MYZAP: variants seen among roughly 807,000 people sequenced by gnomAD.
MYZAP encodes the protein GRINL1A complex locus upstream.
In MYZAP, 66 loss-of-function variants were observed where a neutral mutation model predicts 69.4. The ratio of observed to expected loss-of-function variants is 0.95; its 90% CI spans 0.78 to 1.17. The LOEUF is 1.17. Ranked by LOEUF, MYZAP falls within the 50% of genes most tolerant of loss-of-function variation. The probability of loss-of-function intolerance (pLI) is 0.00; values close to 1 mark genes in which losing one functional copy is unlikely to be tolerated. For synonymous variants in MYZAP, 256 were observed against 205.9 expected (o/e 1.24, Z -2.09); for missense variants, 611 against 556.2 (o/e 1.10, Z -0.99).
intron 8 of MYZAP, among the ~76,000 whole-genome samples, chr15:57,636,223 C>T (rs1201217085): frequency 1.3e-5 from 2 of 151,894 alleles, no homozygotes; most frequent in Non-Finnish European, 2.9e-5. Flanking sequence ...AACTTCCAAC[C>T]ACATAGGGGC....
intron 11 of MYZAP, among the ~76,000 whole-genome samples, chr15:57,673,676 T>C (rs1446653155): frequency 2.0e-5 from 3 of 152,210 alleles, no homozygotes; most frequent in African/African-American, 7.2e-5. Context: ...CATTGACTTT[T>C]ACATTGTACG....
At chr15:57,618,012 T>C (rs1229847515) in intron 2 of MYZAP, 21 bp from the exon 3 acceptor site, 10 of 1,607,018 alleles carry the variant, frequency 6.2e-6, no homozygotes, top group Non-Finnish European at 7.6e-6. Flanking sequence ...ATTCTTTTTT[T>C]CTTTTCCTAC....
chr15:57,665,918 C>G (rs1259164209), intron 11 of MYZAP, among the ~76,000 whole-genome samples: 1 of 152,204 alleles, frequency 6.6e-6, no homozygotes, highest in Non-Finnish European at 1.5e-5. Context: ...CCTCTGCTTA[C>G]AAGCAGAGTA....
chr15:57,682,174 AC>A (rs1254968792), intron 12 of MYZAP, among the ~76,000 whole-genome samples: 1 of 151,916 alleles, frequency 6.6e-6, no homozygotes, highest in Non-Finnish European at 1.5e-5. Context: ...CCATCTAGCA[AC>A]CCTGCCTGAG....
intron 4 of MYZAP, among the ~76,000 whole-genome samples, chr15:57,623,580 A>G (rs1322816252): frequency 6.6e-6 from 1 of 152,064 alleles, no homozygotes; most frequent in African/African-American, 2.4e-5. Context: ...TAAAAATACA[A>G]AAATTAGCCG....
intron 2 of MYZAP, among the ~76,000 whole-genome samples, chr15:57,613,288 T>C (rs2035228530): frequency 6.6e-6 from 1 of 152,196 alleles, no homozygotes; most frequent in Non-Finnish European, 1.5e-5. Context: ...CAGGAGGCTT[T>C]TAATAGAGTA....
At chr15:57,669,915 G>A (rs781352898) in intron 11 of MYZAP, among the ~76,000 whole-genome samples, 4 of 151,964 alleles carry the variant, frequency 2.6e-5, no homozygotes, top group South Asian at 4.1e-4. Context: ...TTAGAGGCAG[G>A]TTATTTAATT....
At chr15:57,648,278 T>A in intron 10 of MYZAP, 1 of 985,340 alleles carries the variant, frequency 1.0e-6, no homozygotes, top group Non-Finnish European at 1.2e-6. Flanking sequence ...CAATATAAAT[T>A]GTCTTTTCAA....
chr15:57,595,414 G>A (rs948958408), intron 1 of MYZAP, among the ~76,000 whole-genome samples: 10 of 152,148 alleles, frequency 6.6e-5, no homozygotes, highest in African/African-American at 2.4e-4. Flanking sequence ...GGGGGGAAAC[G>A]ATTTTAAAAA....
Position 57,595,740 on chromosome 15 carries a change from G to A in MYZAP, c.75+3631G>A, listed in dbSNP as rs534769538. On this transcript the variant is annotated intron_variant, in intron 1 of 12. Transcript: ENST00000267853. Reference sequence around the variant, plus strand: ...ACTGTTGGCTGGTGTTGCTGCTATCGTGACCCGTCACTGGCACAGAGAAAA... The same window carrying A: ...ACTGTTGGCTGGTGTTGCTGCTATCATGACCCGTCACTGGCACAGAGAAAA... Among the ~76,000 whole-genome samples, 3 of 152,254 alleles carry A rather than the reference G, an allele frequency of 2.0e-5. No homozygotes were observed. The South Asian group carries it at 6.2e-4, about 32-fold the overall frequency.
At chr15:57,607,553 T>C (rs1209148873) in intron 2 of MYZAP, among the ~76,000 whole-genome samples, 1 of 152,174 alleles carries the variant, frequency 6.6e-6, no homozygotes, top group African/African-American at 2.4e-5. Flanking sequence ...AGTCTCCCTT[T>C]ACCCCTCAGC....
chr15:57,600,794 A>G (rs528617205), intron 1 of MYZAP, among the ~76,000 whole-genome samples: 1 of 152,208 alleles, frequency 6.6e-6, no homozygotes, highest in Non-Finnish European at 1.5e-5. Flanking sequence ...AATAGTAAAA[A>G]TATCTGGCTG....
At chr15:57,618,274 T>C (rs142812789) in intron 3 of MYZAP, 86 bp downstream of exon 3, 380 of 1,515,864 alleles carry the variant, frequency 2.5e-4, no homozygotes, top group Non-Finnish European at 3.2e-4. Flanking sequence ...GAAGTGAATG[T>C]AATAAGGCAT....
At chr15:57,593,841 T>C (rs1213439033) in intron 1 of MYZAP, among the ~76,000 whole-genome samples, 1 of 152,328 alleles carries the variant, frequency 6.6e-6, no homozygotes, top group East Asian at 1.9e-4. Flanking sequence ...GCTCATGATT[T>C]GCAGATGTTA....
At chr15:57,608,476 C>T (rs1453415719) in intron 2 of MYZAP, among the ~76,000 whole-genome samples, 1 of 152,150 alleles carries the variant, frequency 6.6e-6, no homozygotes, top group Non-Finnish European at 1.5e-5. Flanking sequence ...TGGAGGTTTC[C>T]TATCCCTAAG....
chr15:57,676,917 T>TC (rs2039167031), intron 12 of MYZAP, among the ~76,000 whole-genome samples: 1 of 152,090 alleles, frequency 6.6e-6, no homozygotes, highest in African/African-American at 2.4e-5. Context: ...ACATTTGGTT[T>TC]CCCCCCGGAT....
At chr15:57,628,984 G>A (rs977584123) in intron 5 of MYZAP, among the ~76,000 whole-genome samples, 1 of 151,576 alleles carries the variant, frequency 6.6e-6, no homozygotes, top group East Asian at 2.0e-4. Flanking sequence ...TCGGGAGGCT[G>A]AGGCAGGAGA....
At chr15:57,599,239 T>C (rs993793030) in intron 1 of MYZAP, among the ~76,000 whole-genome samples, 5 of 152,196 alleles carry the variant, frequency 3.3e-5, no homozygotes, top group Non-Finnish European at 5.9e-5. Flanking sequence ...ATTTCCACTA[T>C]GATTTAACCA....
chr15:57,638,865 C>T lies in MYZAP; in HGVS notation c.1014-575C>T, dbSNP rs768865312. On this transcript the variant is annotated intron_variant, in intron 9 of 12. Transcript: ENST00000267853. ...GCTGGACCCCTTCTTCCCCGTCCTC[C>T]CCTCCAAGTAATTTACTGGATGTTC... Among the ~76,000 whole-genome samples, 15 of 152,260 alleles carry T rather than the reference C, an allele frequency of 9.9e-5. No homozygotes were observed. The East Asian group carries it at 2.5e-3, about 25-fold the overall frequency.
Sources: allele counts gnomAD v4.1 joint callset (sites outside exome capture counted in the v4.1 genomes callset), GRCh38; gene constraint gnomAD v4.1.1; transcripts MANE v1.5; gene names NCBI Gene and HGNC (gene_info 2026-07-23, HGNC 2026-07-21).